Variants in PEX7 observed in about 807,000 individuals in gnomAD.
The protein encoded by PEX7 is PTS2 receptor.
PEX7 carries 34 observed loss-of-function variants against 47.5 expected under a neutral mutation model. That is an observed-to-expected ratio of 0.72 (90% CI 0.54 to 0.95). The LOEUF (loss-of-function observed/expected upper bound fraction) is 0.95. Ranked by LOEUF, PEX7 falls within the 40% of genes least tolerant of loss-of-function variation. The pLI, the probability that PEX7 is intolerant of heterozygous loss-of-function variation, is 0.00. For missense variants in PEX7, 394 were observed against 400.3 expected, an observed-to-expected ratio of 0.98 and a Z score of 0.13; for synonymous variants, 141 against 148.8, an observed-to-expected ratio of 0.95 and a Z score of 0.38.
At chr6:136,902,214 T>TAA (rs1217626964) in intron 9 of PEX7, among the ~76,000 whole-genome samples, 1 of 152,244 alleles carries the variant, frequency 6.6e-6, no homozygotes, top group African/African-American at 2.4e-5. Flanking sequence ...TCTCACCTCT[T>TAA]AGTGTCTTTC....
At chr6:136,827,248 G>A (rs930557838) in intron 3 of PEX7, among the ~76,000 whole-genome samples, 1 of 152,182 alleles carries the variant, frequency 6.6e-6, no homozygotes, top group Non-Finnish European at 1.5e-5. Flanking sequence ...GAGGGGTCCA[G>A]ATGTTTTATA....
rs1226014853 is a variant in PEX7, at chr6:136,898,056, T to C, written c.804-86T>C. ...GCTGAGCCTGTTTGGATAAAATCTT[T>C]GCTATGTCAAATATCTATTTTTTCT... On this transcript the variant is annotated intron_variant, in intron 8 of 9. Transcript: ENST00000318471. 19 of 800,116 alleles carry C rather than the reference T, an allele frequency of 2.4e-5. No homozygotes were observed. The East Asian group carries it at 5.0e-4, about 21-fold the overall frequency. 49.6% of individuals were successfully genotyped at this position (800,116 alleles called of 1,614,324 possible).
chr6:136,909,387 C>T (rs1186974621), intron 9 of PEX7, among the ~76,000 whole-genome samples: 1 of 152,160 alleles, frequency 6.6e-6, no homozygotes, highest in East Asian at 1.9e-4. Context: ...GACCTCACAC[C>T]TAATTGGATG....
At chr6:136,836,338 A>G (rs1484602799) in intron 3 of PEX7, among the ~76,000 whole-genome samples, 2 of 152,128 alleles carry the variant, frequency 1.3e-5, no homozygotes, top group South Asian at 4.1e-4. Flanking sequence ...TAATTCAAAA[A>G]CTAATAAAAA....
At chr6:136,913,327 G>A (rs1218828239) in intron 9 of PEX7, 131 bp from the exon 10 acceptor site, 1 of 715,204 alleles carries the variant, frequency 1.4e-6, no homozygotes, top group South Asian at 1.5e-5. Context: ...GTAGCCCTAT[G>A]TTTTCCCTAT....
At chr6:136,876,729 A>G (rs142178363) in intron 8 of PEX7, among the ~76,000 whole-genome samples, 4,527 of 152,250 alleles carry the variant, frequency 0.03, 261 homozygotes, top group African/African-American at 0.1. Flanking sequence ...TTCTTTATCC[A>G]GCCTATCATT....
intron 8 of PEX7, among the ~76,000 whole-genome samples, chr6:136,876,989 CT>C (rs572549104): frequency 6.6e-6 from 1 of 152,250 alleles, no homozygotes; most frequent in Non-Finnish European, 1.5e-5. Flanking sequence ...TCCATATCCT[CT>C]CTAGCATCTG....
intron 8 of PEX7, among the ~76,000 whole-genome samples, chr6:136,891,915 C>T (rs1369691522): frequency 2.0e-5 from 3 of 152,060 alleles, no homozygotes; most frequent in Admixed American, 6.6e-5. Context: ...AAAGTGCTAC[C>T]GGGCCCGACC....
chr6:136,822,977 G>A, intron 1 of PEX7, 182 bp downstream of exon 1: 1 of 985,486 alleles, frequency 1.0e-6, no homozygotes, highest in Non-Finnish European at 1.2e-6. Context: ...GCGAGGAGTT[G>A]GTCTGAAGCA....
chr6:136,893,943 G>A (rs1775600294), intron 8 of PEX7, among the ~76,000 whole-genome samples: 1 of 152,204 alleles, frequency 6.6e-6, no homozygotes, highest in Non-Finnish European at 1.5e-5. Flanking sequence ...TTTCAAAAGT[G>A]TTAGTATAGA....
Position 136,898,115 on chromosome 6 carries a change from A to T in PEX7, c.804-27A>T, listed in dbSNP as rs200415688. ...GTTTTTTGGTAGTTTTAGCATTTAAATTATTCCCTTTTATTTATCTTCACA... is the reference window on the plus strand; with the variant it reads ...GTTTTTTGGTAGTTTTAGCATTTAATTTATTCCCTTTTATTTATCTTCACA... On this transcript the variant is annotated intron_variant, in intron 8 of 9. Transcript: ENST00000318471. 7.4e-6 allele frequency: 10 copies of T among 1,347,036 alleles called. No individual in the cohort carries two copies. The African/African-American group carries it at 1.0e-4, about 13-fold the overall frequency. The allele number at this position is 1,347,036 out of a possible 1,614,324, so 83.4% of individuals were successfully genotyped here. A position where few individuals can be genotyped will look rare whatever the true frequency, so the allele number is the denominator to read the frequency against.
rs559879653 is a variant in PEX7, at chr6:136,824,407, T to C, written c.131-807T>C. ...TTTTTGTAGAGACAGGGTATCACTA[T>C]GTTGCCCAGGCTGGTCCGGAACTGG... On this transcript the variant is annotated intron_variant, in intron 1 of 9. Transcript: ENST00000318471. 1.1e-4 allele frequency among the ~76,000 whole-genome samples: 17 copies of C among 152,336 alleles called. 1 individual carries two copies. The highest frequency in any genetic ancestry group is 4.1e-4 in the African/African-American group (17 of 41,576).
intron 5 of PEX7, among the ~76,000 whole-genome samples, chr6:136,848,269 A>G (rs1774667339): frequency 1.3e-5 from 2 of 152,172 alleles, no homozygotes; most frequent in East Asian, 1.9e-4. Context: ...TTCTAAATAC[A>G]CAATCATGTC....
chr6:136,873,467 T>C (rs1775215880), intron 8 of PEX7, among the ~76,000 whole-genome samples: 1 of 152,190 alleles, frequency 6.6e-6, no homozygotes, highest in African/African-American at 2.4e-5. Context: ...ATAAGGAATA[T>C]GCCAATTTTG....
intron 5 of PEX7, among the ~76,000 whole-genome samples, chr6:136,863,896 A>T (rs957358467): frequency 6.6e-6 from 1 of 152,198 alleles, no homozygotes; most frequent in Non-Finnish European, 1.5e-5. Flanking sequence ...AAATTAAAAG[A>T]ATTAAAATAA....
At chr6:136,836,229 C>T (rs1774381964) in intron 3 of PEX7, among the ~76,000 whole-genome samples, 2 of 97,518 alleles carry the variant, frequency 2.1e-5, no homozygotes, top group African/African-American at 7.8e-5. Context: ...ATTTGTTTTA[C>T]ATAAAGAGAG....
chr6:136,873,472 A>G (rs1775215927), intron 8 of PEX7, among the ~76,000 whole-genome samples: 1 of 152,178 alleles, frequency 6.6e-6, no homozygotes, highest in African/African-American at 2.4e-5. Flanking sequence ...GAATATGCCA[A>G]TTTTGATACT....
chr6:136,860,496 A>G (rs567636162), intron 5 of PEX7, among the ~76,000 whole-genome samples: 11 of 149,064 alleles, frequency 7.4e-5, no homozygotes, highest in African/African-American at 2.7e-4. Context: ...GAAGGGGAAC[A>G]TCACACACCG....
At chr6:136,851,812 T>C (rs1335523468) in intron 5 of PEX7, among the ~76,000 whole-genome samples, 3 of 17,924 alleles carry the variant, frequency 1.7e-4, no homozygotes, top group Non-Finnish European at 3.0e-4. Flanking sequence ...TTGAGAAGTG[T>C]CTGTTCATGT....
Sources: allele counts gnomAD v4.1 joint callset (sites outside exome capture counted in the v4.1 genomes callset), GRCh38; gene constraint gnomAD v4.1.1; transcripts MANE v1.5; gene names NCBI Gene and HGNC (gene_info 2026-07-23, HGNC 2026-07-21).